RIC8B: variants seen among roughly 807,000 people sequenced by gnomAD.
RIC8B encodes the protein chaperone Ric-8B.
RIC8B carries 16 observed loss-of-function variants against 57.5 expected under a neutral mutation model. The ratio of observed to expected loss-of-function variants is 0.28; its 90% confidence interval spans 0.19 to 0.42. The LOEUF (loss-of-function observed/expected upper bound fraction) is 0.42, where lower values mean the gene tolerates loss of function less well. Among genes scored for constraint, RIC8B ranks in the 10% least tolerant of loss-of-function variants. The probability of loss-of-function intolerance (pLI) is 1.00; values close to 1 mark genes in which losing one functional copy is unlikely to be tolerated. For synonymous variants in RIC8B, 216 were observed against 250.8 expected (o/e 0.86, Z 1.31); for missense variants, 481 against 677.0 (o/e 0.71, Z 3.21).
intron 2 of RIC8B, among the ~76,000 whole-genome samples, chr12:106,797,333 C>G (rs887560733): frequency 4.7e-4 from 71 of 152,190 alleles, no homozygotes; most frequent in Admixed American, 3.9e-4. Flanking sequence ...AATAAACTAA[C>G]TGATGCTGCT....
intron 9 of RIC8B, chr12:106,871,576 A>G (rs1950433721): frequency 1.3e-5 from 2 of 151,972 alleles, no homozygotes; most frequent in South Asian, 4.2e-4. Flanking sequence ...AATTAAATCA[A>G]GTATATACTA....
chr12:106,815,376 A>C (rs986053083), intron 3 of RIC8B, 72 bp downstream of exon 3: 1 of 1,469,318 alleles, frequency 6.8e-7, no homozygotes, highest in African/African-American at 1.4e-5. Flanking sequence ...GTTTCCTGCA[A>C]GAGAAGAATA....
chr12:106,869,572 G>C (rs186449615), intron 8 of RIC8B, among the ~76,000 whole-genome samples: 1 of 151,982 alleles, frequency 6.6e-6, no homozygotes, highest in Non-Finnish European at 1.5e-5. Context: ...TTCTGAAAGC[G>C]TTTATGTTCA....
chr12:106,871,234 T>TA (rs568740337), intron 9 of RIC8B: 215 of 222,314 alleles, frequency 9.7e-4, no homozygotes, highest in African/African-American at 3.6e-3. Context: ...TGCTGTGAGT[T>TA]AGATTCAGTG....
At chr12:106,776,532 T>C (rs917301537) in intron 1 of RIC8B, among the ~76,000 whole-genome samples, 1 of 152,222 alleles carries the variant, frequency 6.6e-6, no homozygotes, top group African/African-American at 2.4e-5. Context: ...AACCTTCAAC[T>C]GGATATAATC....
In RIC8B at chr12:106,814,796, A is replaced by T; in HGVS notation, c.233A>T (p.Lys78Met). Residue 78 changes from lysine (K) to methionine (M), a missense_variant, in exon 3 of 10, where the codon AAG (lysine) becomes ATG (methionine). Around this residue, in one of 3 missense-constraint regions of RIC8B, gnomAD observed 421 missense variants for 560.9 expected, o/e 0.75. Coordinates refer to ENST00000392837, the MANE Select transcript of RIC8B (RefSeq NM_001330145.2). ...EVLRILSRDK[K>M]VLVPVTTKEN... ...CTCCGCATTCTCTCCAGAGACAAAA[A>T]GGTTTTAGTTCCTGTGACAACTAAG... is the stretch of plus-strand genomic sequence containing the variant. 6.2e-7 allele frequency: 1 copy of T among 1,614,230 alleles called. No homozygotes were observed. The highest frequency in any genetic ancestry group is 8.5e-7 in the Non-Finnish European group (1 of 1,180,020).
chr12:106,801,227 G>C (rs559220814), intron 2 of RIC8B, among the ~76,000 whole-genome samples: 13 of 152,322 alleles, frequency 8.5e-5, no homozygotes, highest in African/African-American at 2.9e-4. Flanking sequence ...AGGCTTGTAA[G>C]TGGAAGCTTA....
At position 106,843,887 on chromosome 12, in the gene RIC8B, C is replaced by T. The variant is rs768136284; in HGVS notation, c.1101C>T (p.Leu367=). 3 of 1,613,354 alleles carry T rather than the reference C, an allele frequency of 1.9e-6. No homozygotes were observed. The highest frequency in any genetic ancestry group is 2.2e-5 in the South Asian group (2 of 91,056). Residue 367 remains leucine, a synonymous_variant, in exon 6 of 10, where the codon CTC becomes CTT. Transcript: ENST00000392837. ...SSYREGLTPV[L]SLLTECSRAH... is the part of the protein sequence containing the mutation. ...ATAGAGAGGGTCTAACTCCAGTTCT[C>T]AGCTTATTAACCGAATGTTCCCGAG...
intron 4 of RIC8B, among the ~76,000 whole-genome samples, chr12:106,839,397 G>A (rs1430725697): frequency 1.3e-5 from 2 of 152,180 alleles, no homozygotes; most frequent in African/African-American, 2.4e-5. Flanking sequence ...GGAACAACAT[G>A]GGTGGATCTG....
intron 4 of RIC8B, among the ~76,000 whole-genome samples, chr12:106,834,158 G>C (rs2046482413): frequency 6.6e-6 from 1 of 152,166 alleles, no homozygotes; most frequent in South Asian, 2.1e-4. Flanking sequence ...AGACTCCTAA[G>C]TATTGTAGTA....
intron 2 of RIC8B, among the ~76,000 whole-genome samples, chr12:106,804,880 G>A (rs1007928274): frequency 6.6e-6 from 1 of 152,156 alleles, no homozygotes; most frequent in African/African-American, 2.4e-5. Context: ...GGGGGATGGT[G>A]AAAAAGATAG....
intron 4 of RIC8B, among the ~76,000 whole-genome samples, chr12:106,826,134 C>A (rs893600584): frequency 1.3e-5 from 2 of 152,196 alleles, no homozygotes; most frequent in Non-Finnish European, 2.9e-5. Context: ...TTATTGAACA[C>A]TTAACTCTGT....
chr12:106,861,511 T>C (rs745721397), intron 8 of RIC8B, among the ~76,000 whole-genome samples: 6 of 151,950 alleles, frequency 3.9e-5, no homozygotes, highest in African/African-American at 9.7e-5. Flanking sequence ...AGTAGGATCT[T>C]ATAGAGTGTG....
intron 7 of RIC8B, among the ~76,000 whole-genome samples, chr12:106,853,600 C>T (rs908165446): frequency 3.3e-5 from 5 of 151,272 alleles, no homozygotes; most frequent in Non-Finnish European, 5.9e-5. Flanking sequence ...GTCTGAGTAG[C>T]TGGGACTACA....
chr12:106,815,430 A>G, intron 3 of RIC8B, 126 bp downstream of exon 3: 3 of 916,110 alleles, frequency 3.3e-6, no homozygotes, highest in East Asian at 2.4e-5. Context: ...CCATTAAGCA[A>G]TTGTATTACC....
At chr12:106,884,906 G>C (rs1951104729) in intron 9 of RIC8B, among the ~76,000 whole-genome samples, 1 of 152,104 alleles carries the variant, frequency 6.6e-6, no homozygotes, top group African/African-American at 2.4e-5. Flanking sequence ...CAACATTATA[G>C]CTGCTGCCAT....
Position 106,824,618 on chromosome 12 carries a change from G to T in RIC8B, c.742-1108G>T, listed in dbSNP as rs577052685. On this transcript the variant is annotated intron_variant, in intron 3 of 9. Coordinates refer to ENST00000392837, the MANE Select transcript of RIC8B (RefSeq NM_001330145.2). ...GATGATATATTAAGAAGTTTTGGCT[G>T]GGTGCAGTGGCTGGCACCTGTAATG... Among the ~76,000 whole-genome samples the T allele has an allele frequency of 4.6e-5, 7 of 152,294 alleles. No homozygotes were observed. In the South Asian group the frequency reaches 1.5e-3, roughly 32 times the overall value.
intron 3 of RIC8B, among the ~76,000 whole-genome samples, chr12:106,817,877 A>G (rs1450638095): frequency 6.6e-6 from 1 of 151,906 alleles, no homozygotes; most frequent in Non-Finnish European, 1.5e-5. Context: ...CTTGCTACTA[A>G]GAGCCCATTT....
intron 9 of RIC8B, among the ~76,000 whole-genome samples, chr12:106,884,730 C>G (rs1951097683): frequency 6.6e-6 from 1 of 152,166 alleles, no homozygotes; most frequent in Non-Finnish European, 1.5e-5. Flanking sequence ...GTTGGCTTAT[C>G]CATTGACCAC....
Sources: allele counts gnomAD v4.1 joint callset (sites outside exome capture counted in the v4.1 genomes callset), GRCh38; gene constraint gnomAD v4.1.1; regional missense constraint gnomAD v4.1.1; transcripts MANE v1.5; gene names NCBI Gene and HGNC (gene_info 2026-07-23, HGNC 2026-07-21).